Variants in CC2D2A observed in about 807,000 individuals in gnomAD.
The protein encoded by CC2D2A is coiled-coil and C2 domain containing 2A, also known as coiled-coil and C2 domain-containing protein 2A.
A neutral mutation model predicts 212.9 loss-of-function variants in CC2D2A; 155 were observed. The observed-to-expected ratio is 0.73, with a 90% CI of 0.64 to 0.83. The LOEUF (loss-of-function observed/expected upper bound fraction) is 0.83. Among genes scored for constraint, CC2D2A ranks in the 40% least tolerant of loss-of-function variants. The probability of loss-of-function intolerance (pLI) is 0.00; values close to 1 mark genes in which losing one functional copy is unlikely to be tolerated. For missense variants in CC2D2A, 1,856 were observed against 1,956.2 expected, an observed-to-expected ratio of 0.95 and a Z score of 0.97; for synonymous variants, 667 against 686.5, an observed-to-expected ratio of 0.97 and a Z score of 0.44.
intron 18 of CC2D2A, 101 bp downstream of exon 18, chr4:15,551,081 T>A (rs1718984417): frequency 5.6e-6 from 6 of 1,071,816 alleles, no homozygotes; most frequent in African/African-American, 1.6e-5. Flanking sequence ...ATTATAAAAT[T>A]GATATCAAAA....
Position 15,507,324 on chromosome 4 carries a change from A to G in CC2D2A, c.439-2815A>G, listed in dbSNP as rs1678994412. ...AATTCAACATAAAAGGAAACTGTAT[A>G]CAGTTGCTTGATATTATGATAGATT... On this transcript the variant is annotated intron_variant, in intron 6 of 36. Transcript: ENST00000424120. Among the ~76,000 whole-genome samples the G allele has an allele frequency of 2.6e-5, 4 of 152,224 alleles. No individual in the cohort carries two copies. In the South Asian group the frequency reaches 8.3e-4, roughly 31 times the overall value.
chr4:15,539,472 C>T (rs1718308317), intron 16 of CC2D2A, among the ~76,000 whole-genome samples: 3 of 152,152 alleles, frequency 2.0e-5, no homozygotes, highest in South Asian at 2.1e-4. Flanking sequence ...TTCATTAAAA[C>T]GTGGGAGTTA....
intron 13 of CC2D2A, 93 bp from the exon 14 acceptor site, chr4:15,533,100 A>C: frequency 9.7e-7 from 1 of 1,030,912 alleles, no homozygotes; most frequent in Non-Finnish European, 1.4e-6. Flanking sequence ...GGTAGCTATC[A>C]AATTGAATAT....
intron 29 of CC2D2A, among the ~76,000 whole-genome samples, chr4:15,579,534 A>G (rs1720561655): frequency 6.6e-6 from 1 of 152,212 alleles, no homozygotes; most frequent in South Asian, 2.1e-4. Flanking sequence ...TTTGCTGCCC[A>G]TTTAACATGA....
chr4:15,473,664 G>C (rs1462793074), intron 1 of CC2D2A, among the ~76,000 whole-genome samples: 2 of 152,190 alleles, frequency 1.3e-5, no homozygotes, highest in East Asian at 3.8e-4. Context: ...TGGTAGCCCA[G>C]CAATGTGGCA....
In CC2D2A at chr4:15,510,134, T is replaced by A. The variant is rs369244755; in HGVS notation, c.439-5T>A. 3 of 1,607,702 alleles carry A rather than the reference T, an allele frequency of 1.9e-6. No individual in the cohort carries two copies. The African/African-American group carries it at 4.0e-5, about 22-fold the overall frequency. ...TTTATCTATCATTTTTTTCCACTCA[T>A]ATAGCCAGGGAAAGAGGTAGAAAGG... On this transcript the variant is annotated splice_polypyrimidine_tract_variant and splice_region_variant and intron_variant, in intron 6 of 36. Coordinates refer to ENST00000424120, the MANE Select transcript of CC2D2A (RefSeq NM_001378615.1).
intron 4 of CC2D2A, chr4:15,482,141 C>G: frequency 2.0e-6 from 2 of 985,398 alleles, no homozygotes; most frequent in South Asian, 9.4e-5. Flanking sequence ...AAATAAGTAA[C>G]TGTTGGAAAC....
intron 35 of CC2D2A, among the ~76,000 whole-genome samples, chr4:15,598,372 C>T (rs1721411341): frequency 6.6e-6 from 1 of 152,180 alleles, no homozygotes. Flanking sequence ...AGGCAATGTA[C>T]AAGAGGCTTT....
intron 2 of CC2D2A, among the ~76,000 whole-genome samples, chr4:15,478,244 G>A (rs891814825): frequency 6.6e-6 from 1 of 152,220 alleles, no homozygotes; most frequent in East Asian, 1.9e-4. Flanking sequence ...TTGTGATGAT[G>A]TAACATGTAT....
At chr4:15,475,013 C>T (rs1007032192) in intron 1 of CC2D2A, among the ~76,000 whole-genome samples, 4 of 152,198 alleles carry the variant, frequency 2.6e-5, no homozygotes, top group Admixed American at 1.3e-4. Context: ...CGGTGGCTCA[C>T]GCCTGTAATC....
At chr4:15,543,110 G>A (rs1718543768) in intron 17 of CC2D2A, among the ~76,000 whole-genome samples, 1 of 152,102 alleles carries the variant, frequency 6.6e-6, no homozygotes, top group South Asian at 2.1e-4. Context: ...TCTGTGATCT[G>A]GGGGGTGGGT....
chr4:15,492,928 G>T, intron 4 of CC2D2A: 1 of 531,564 alleles, frequency 1.9e-6, no homozygotes, highest in Non-Finnish European at 3.6e-6. Flanking sequence ...CCTTGAGGGG[G>T]CCCTCTGATG....
At position 15,560,616 on chromosome 4, in the gene CC2D2A, A is replaced by G. The variant is rs376663620; in HGVS notation, c.3008A>G (p.Asn1003Ser). Reference sequence around the variant, plus strand: ...ATGATAGTAGAAGAAGAAGTTCCCAATATCAGGTAAAAATAATCAAAGCCA... The same window carrying G: ...ATGATAGTAGAAGAAGAAGTTCCCAGTATCAGGTAAAAATAATCAAAGCCA... ...ADMIVEEEVP[N>S]ISILGLSLFK... Residue 1003 changes from asparagine (N) to serine (S), a missense_variant, in exon 23 of 37, where the codon AAT becomes AGT. Transcript: ENST00000424120. 1.2e-5 allele frequency: 16 copies of G among 1,348,526 alleles called. No individual in the cohort carries two copies. The highest frequency in any genetic ancestry group is 2.0e-5 in the Admixed American group (1 of 50,536). The allele number at this position is 1,348,526 out of a possible 1,614,324, so 83.5% of individuals were successfully genotyped here. A position where few individuals can be genotyped will look rare whatever the true frequency, so the allele number is the denominator to read the frequency against.
chr4:15,596,413 GAA>G (rs1474652926), intron 34 of CC2D2A, among the ~76,000 whole-genome samples: 1 of 139,364 alleles, frequency 7.2e-6, no homozygotes, highest in Non-Finnish European at 1.7e-5. Flanking sequence ...ACATGTGGAA[GAA>G]AAAGTTTTGA....
In CC2D2A at chr4:15,528,501, C is replaced by A. The variant is rs4698395; in HGVS notation, c.1360-119C>A. On this transcript the variant is annotated intron_variant, in intron 12 of 36. Coordinates refer to ENST00000424120, the MANE Select transcript of CC2D2A (RefSeq NM_001378615.1). Reference sequence around the variant, plus strand: ...GTCTGGAGACAGCCAGATGCTTGAACATCCGTTCCATTCACAGACTGATGG... The same window carrying A: ...GTCTGGAGACAGCCAGATGCTTGAAAATCCGTTCCATTCACAGACTGATGG... 0.33 allele frequency: 228,037 copies of A among 690,024 alleles called. 41,084 individuals carry two copies. Among genetic ancestry groups the A allele is most frequent in the Non-Finnish European group, 0.39 (152,621 of 388,694 alleles). The allele number at this position is 690,024 out of a possible 1,614,324, so 42.7% of individuals were successfully genotyped here. A position where few individuals can be genotyped will look rare whatever the true frequency, so the allele number is the denominator to read the frequency against.
intron 30 of CC2D2A, among the ~76,000 whole-genome samples, chr4:15,585,045 G>A (rs1017863924): frequency 3.9e-5 from 6 of 152,130 alleles, no homozygotes; most frequent in Admixed American, 3.3e-4. Flanking sequence ...ACAGTTGGTA[G>A]GAATGTAAAT....
chr4:15,502,261 G>A (rs1715995007), intron 4 of CC2D2A, among the ~76,000 whole-genome samples, 168 bp from the exon 5 acceptor site: 1 of 152,130 alleles, frequency 6.6e-6, no homozygotes, highest in South Asian at 2.1e-4. Flanking sequence ...ATGATCTCAT[G>A]TTTGCTTATG....
intron 18 of CC2D2A, among the ~76,000 whole-genome samples, chr4:15,551,780 T>C (rs917830634): frequency 2.6e-5 from 4 of 152,210 alleles, no homozygotes; most frequent in Non-Finnish European, 1.5e-5. Context: ...ATCTACTTAT[T>C]GGTCTGATTC....
At chr4:15,520,368 T>C (rs952743515) in intron 11 of CC2D2A, among the ~76,000 whole-genome samples, 5 of 152,174 alleles carry the variant, frequency 3.3e-5, no homozygotes, top group Non-Finnish European at 5.9e-5. Flanking sequence ...TTTGGTTATA[T>C]GACAAAAATA....
Sources: gnomAD v4.1 joint callset for allele counts (sites outside exome capture counted in the v4.1 genomes callset) on GRCh38, gnomAD v4.1.1 for gene constraint, MANE v1.5 for transcripts, NCBI Gene and HGNC (gene_info 2026-07-23, HGNC 2026-07-21) for gene names.